Variants in PRDM5 observed in about 807,000 individuals in gnomAD.
PRDM5 encodes the protein PR domain zinc finger protein 5.
A neutral mutation model predicts 81.2 loss-of-function variants in PRDM5; 56 were observed. The ratio of observed to expected loss-of-function variants is 0.69; its 90% CI spans 0.56 to 0.86. PRDM5 has a LOEUF of 0.86. PRDM5 is among the 40% of genes least tolerant of loss of function. PRDM5 has a pLI of 0.00. For synonymous variants in PRDM5, 267 were observed against 256.4 expected (o/e 1.04, Z -0.39); for missense variants, 697 against 770.1 (o/e 0.91, Z 1.12).
intron 14 of PRDM5, among the ~76,000 whole-genome samples, chr4:120,710,923 T>A (rs914536774): frequency 6.6e-6 from 1 of 152,200 alleles, no homozygotes; most frequent in East Asian, 1.9e-4. Context: ...ATGAGCAATT[T>A]TATATTTTCA....
At chr4:120,711,269 A>C (rs575247647) in intron 14 of PRDM5, among the ~76,000 whole-genome samples, 3 of 152,220 alleles carry the variant, frequency 2.0e-5, no homozygotes, top group East Asian at 3.9e-4. Context: ...TTGGGGGATA[A>C]GTTTAAAAAT....
chr4:120,775,963 C>G (rs1578687954), intron 13 of PRDM5, among the ~76,000 whole-genome samples: 1 of 152,218 alleles, frequency 6.6e-6, no homozygotes, highest in East Asian at 1.9e-4. Context: ...ACCATCAGTA[C>G]CTGGTGCCAC....
intron 14 of PRDM5, among the ~76,000 whole-genome samples, chr4:120,730,501 T>A (rs1004510715): frequency 6.6e-6 from 1 of 152,186 alleles, no homozygotes; most frequent in East Asian, 1.9e-4. Context: ...TATCCCAAGA[T>A]ACCTGTGATA....
chr4:120,732,513 A>G (rs1256669722), intron 14 of PRDM5, among the ~76,000 whole-genome samples: 1 of 152,196 alleles, frequency 6.6e-6, no homozygotes, highest in Admixed American at 6.5e-5. Context: ...TATTCATTGT[A>G]ACTTATCTCT....
downstream of PRDM5, among the ~76,000 whole-genome samples, chr4:120,689,006 T>C (rs1733938250): frequency 6.6e-6 from 1 of 152,158 alleles, no homozygotes. Context: ...CTCTGTGCCA[T>C]CCATATACCC....
chr4:120,798,528 A>G, intron 9 of PRDM5, 104 bp from the exon 10 acceptor site: 1 of 1,058,866 alleles, frequency 9.4e-7, no homozygotes, highest in South Asian at 1.5e-5. Context: ...AGAAAACTAA[A>G]GGATGGTCAA....
chr4:120,887,252 T>G (rs1005864162), intron 2 of PRDM5, among the ~76,000 whole-genome samples: 2 of 151,890 alleles, frequency 1.3e-5, no homozygotes, highest in Admixed American at 1.3e-4. Flanking sequence ...CTGACTCTTC[T>G]CTTTCAATAC....
Position 120,707,533 on chromosome 4 carries a change from G to A in PRDM5, c.1728+2776C>T, listed in dbSNP as rs1026741522. On this transcript the variant is annotated intron_variant, in intron 15 of 15. Coordinates refer to ENST00000264808, the MANE Select transcript of PRDM5 (RefSeq NM_018699.4). The stretch of plus-strand genomic sequence containing the variant: ...GACCCTTTCCTTATACCATATATAA[G>A]AGCTAAAACTATAAGACTCTTAGAG... Among the ~76,000 whole-genome samples, 4 of 150,746 alleles carry A rather than the reference G, an allele frequency of 2.7e-5. No individual in the cohort carries two copies. In the East Asian group the frequency reaches 5.8e-4, roughly 22 times the overall value.
rs76835364 is a variant in PRDM5 at position 120,777,573 on chromosome 4, T to C, written c.1444-292A>G. On this transcript the variant is annotated intron_variant, in intron 12 of 15. Transcript: ENST00000264808. ...TTAAATTATACAAACCAGTATATTC[T>C]AGCAAAAGCACATAATCAAAATAGG... Among the ~76,000 whole-genome samples the C allele has an allele frequency of 3.1e-3, 476 of 152,254 alleles. 3 individuals carry two copies. The highest frequency in any genetic ancestry group is 0.011 in the African/African-American group (454 of 41,570).
At chr4:120,856,594 TG>T (rs10714633) in intron 2 of PRDM5, among the ~76,000 whole-genome samples, 36,637 of 152,038 alleles carry the variant, frequency 0.24, 4,859 homozygotes, top group African/African-American at 0.31. Context: ...TTCGCCTTGC[TG>T]ACATATCATC....
intron 13 of PRDM5, among the ~76,000 whole-genome samples, chr4:120,767,958 T>C (rs1287279119): frequency 6.6e-6 from 1 of 152,212 alleles, no homozygotes; most frequent in Non-Finnish European, 1.5e-5. Flanking sequence ...TCCTTTGCCT[T>C]CTGCCATGAT....
intron 1 of PRDM5, among the ~76,000 whole-genome samples, chr4:120,908,246 C>G (rs891803706): frequency 6.6e-6 from 1 of 152,220 alleles, no homozygotes; most frequent in Non-Finnish European, 1.5e-5. Flanking sequence ...GCAAGTAACA[C>G]TCTTTTCTCT....
At chr4:120,904,490 C>T (rs1326624611) in intron 2 of PRDM5, among the ~76,000 whole-genome samples, 1 of 151,978 alleles carries the variant, frequency 6.6e-6, no homozygotes, top group Admixed American at 6.6e-5. Context: ...AAAACACAGA[C>T]ATAAAGGGTG....
intron 8 of PRDM5, 28 bp downstream of exon 8, chr4:120,811,342 A>C (rs1474640581): frequency 1.4e-6 from 2 of 1,422,650 alleles, no homozygotes; most frequent in Non-Finnish European, 2.0e-6. Context: ...ATAGATATTA[A>C]ACTGTGATGA....
chr4:120,726,560 G>A (rs1739438770), intron 14 of PRDM5, among the ~76,000 whole-genome samples: 1 of 152,140 alleles, frequency 6.6e-6, no homozygotes, highest in African/African-American at 2.4e-5. Context: ...TAATAGCCAG[G>A]TATCCTCTAT....
In PRDM5 at chr4:120,707,577, C is replaced by CA. The variant is rs368583235; in HGVS notation, c.1728+2731dup. ...CTTAGAGAAAAAAAACAAAAACAAA[C>CA]AAAAAAAAACAACAGAAGGACAAAT... is the stretch of plus-strand genomic sequence containing the variant. On this transcript the variant is annotated intron_variant, in intron 15 of 15. Transcript: ENST00000264808. 1.5e-3 allele frequency among the ~76,000 whole-genome samples: 217 copies of CA among 147,902 alleles called. 1 individual carries two copies. In the East Asian group the frequency reaches 0.017, roughly 12 times the overall value.
At chr4:120,870,475 C>T (rs1024881366) in intron 2 of PRDM5, among the ~76,000 whole-genome samples, 1 of 151,890 alleles carries the variant, frequency 6.6e-6, no homozygotes, top group Non-Finnish European at 1.5e-5. Flanking sequence ...GAACAGCCAC[C>T]TAGTGGGGGG....
Position 120,695,006 on chromosome 4 carries a change from C to A in PRDM5, c.*105G>T. 7.6e-7 allele frequency: 1 copy of A among 1,315,636 alleles called. No individual in the cohort carries two copies. The highest frequency in any genetic ancestry group is 1.1e-6 in the Non-Finnish European group (1 of 915,670). The allele number at this position is 1,315,636 out of a possible 1,614,324, so 81.5% of individuals were successfully genotyped here. Reference sequence around the variant, plus strand: ...ATGTAGGCAAATAAGAACTATGAGACCAGTAAGTCACTTTTGGCTACTTCT... The same window carrying A: ...ATGTAGGCAAATAAGAACTATGAGAACAGTAAGTCACTTTTGGCTACTTCT... On this transcript the variant is annotated 3_prime_UTR_variant, in exon 16 of 16. Coordinates refer to ENST00000264808, the MANE Select transcript of PRDM5 (RefSeq NM_018699.4).
intron 3 of PRDM5, among the ~76,000 whole-genome samples, chr4:120,841,889 T>C (rs931502113): frequency 6.6e-6 from 1 of 152,232 alleles, no homozygotes; most frequent in Non-Finnish European, 1.5e-5. Flanking sequence ...TCCTAAATCT[T>C]GTAATGATAT....
Sources: allele counts gnomAD v4.1 joint callset (sites outside exome capture counted in the v4.1 genomes callset), GRCh38; gene constraint gnomAD v4.1.1; transcripts MANE v1.5; gene names NCBI Gene and HGNC (gene_info 2026-07-23, HGNC 2026-07-21).